Variants in PARD3B observed in about 807,000 individuals in gnomAD.
PARD3B encodes the protein partitioning defective 3 homolog B.
In PARD3B, 103 loss-of-function variants were observed where a neutral mutation model predicts 130.2. The ratio of observed to expected loss-of-function variants is 0.79; its 90% CI spans 0.67 to 0.93. PARD3B has a LOEUF of 0.93. Ranked by LOEUF, PARD3B falls within the 40% of genes least tolerant of loss-of-function variation. The pLI is 0.00. For missense variants in PARD3B, 1,609 were observed against 1,499.2 expected, an observed-to-expected ratio of 1.07 and a Z score of -1.21; for synonymous variants, 583 against 553.2, an observed-to-expected ratio of 1.05 and a Z score of -0.76.
intron 2 of PARD3B, among the ~76,000 whole-genome samples, chr2:204,705,152 T>A (rs2038078340): frequency 6.6e-6 from 1 of 152,210 alleles, no homozygotes; most frequent in Non-Finnish European, 1.5e-5. Flanking sequence ...TTATTTTCAG[T>A]GATGAGCATG....
chr2:205,540,393 A>T (rs980849870), intron 21 of PARD3B, among the ~76,000 whole-genome samples: 2 of 152,100 alleles, frequency 1.3e-5, no homozygotes, highest in African/African-American at 4.8e-5. Context: ...TTTCTTTTTT[A>T]AAAAATACTC....
chr2:205,257,965 T>C (rs987569511), intron 16 of PARD3B, among the ~76,000 whole-genome samples: 1 of 152,208 alleles, frequency 6.6e-6, no homozygotes, highest in Non-Finnish European at 1.5e-5. Flanking sequence ...TCATTTCTGG[T>C]TGAACACTGG....
At chr2:205,166,354 A>G (rs562163881) in intron 11 of PARD3B, among the ~76,000 whole-genome samples, 1 of 152,282 alleles carries the variant, frequency 6.6e-6, no homozygotes, top group African/African-American at 2.4e-5. Flanking sequence ...GACTTTGAAG[A>G]GGTGAGCAGG....
At chr2:205,260,302 A>G (rs1199577570) in intron 16 of PARD3B, among the ~76,000 whole-genome samples, 1 of 152,140 alleles carries the variant, frequency 6.6e-6, no homozygotes, top group Non-Finnish European at 1.5e-5. Flanking sequence ...GGAACTTTCC[A>G]CTTATAGCAT....
chr2:205,425,302 A>G (rs910383149), intron 19 of PARD3B, among the ~76,000 whole-genome samples: 2 of 152,188 alleles, frequency 1.3e-5, no homozygotes, highest in Non-Finnish European at 2.9e-5. Flanking sequence ...ACATTATGAG[A>G]ATAGAAATTA....
rs144618004 is a variant in PARD3B at position 205,132,616 on chromosome 2, C to T, written c.1434+6879C>T. 7.2e-5 allele frequency among the ~76,000 whole-genome samples: 11 copies of T among 152,236 alleles called. No individual in the cohort carries two copies. The East Asian group carries it at 9.7e-4, about 13-fold the overall frequency. On this transcript the variant is annotated intron_variant, in intron 10 of 22. Coordinates refer to ENST00000406610, the MANE Select transcript of PARD3B (RefSeq NM_001302769.2). ...CATATTAAGGGTTCACCTCAGCATG[C>T]GCCCGAATCACACAATATTATAATT...
At chr2:204,627,020 A>C (rs2034509873) in intron 1 of PARD3B, among the ~76,000 whole-genome samples, 1 of 152,130 alleles carries the variant, frequency 6.6e-6, no homozygotes, top group Non-Finnish European at 1.5e-5. Flanking sequence ...TGCTGTTCTC[A>C]TGATAGTGAG....
chr2:204,936,750 A>G (rs531714182), intron 2 of PARD3B, among the ~76,000 whole-genome samples: 15 of 152,300 alleles, frequency 9.8e-5, no homozygotes, highest in African/African-American at 3.4e-4. Context: ...AAATCTGTCT[A>G]ATGTTAACCA....
At position 204,867,356 on chromosome 2, in the gene PARD3B, A is replaced by C. The variant is rs535456543; in HGVS notation, c.223-97796A>C. The stretch of plus-strand genomic sequence containing the variant: ...CCTTCAATTCTCAAATTAGTGCTCA[A>C]GGTCTGCGTTGGTGGCTACATATAT... On this transcript the variant is annotated intron_variant, in intron 2 of 22. Coordinates refer to ENST00000406610, the MANE Select transcript of PARD3B (RefSeq NM_001302769.2). Among the ~76,000 whole-genome samples the C allele has an allele frequency of 3.9e-5, 6 of 152,276 alleles. No individual in the cohort carries two copies. The South Asian group carries it at 1.0e-3, about 26-fold the overall frequency.
At chr2:205,138,929 T>C (rs539882128) in intron 10 of PARD3B, among the ~76,000 whole-genome samples, 1 of 152,290 alleles carries the variant, frequency 6.6e-6, no homozygotes, top group Admixed American at 6.5e-5. Flanking sequence ...GAGCCCTTCC[T>C]CCAATCCTCT....
chr2:204,748,481 A>G (rs879675210), intron 2 of PARD3B, among the ~76,000 whole-genome samples: 1 of 152,152 alleles, frequency 6.6e-6, no homozygotes, highest in Non-Finnish European at 1.5e-5. Context: ...GTCTAGAGGG[A>G]TGAGAAACGA....
intron 18 of PARD3B, among the ~76,000 whole-genome samples, chr2:205,378,843 G>C (rs2045186804): frequency 6.6e-6 from 1 of 151,882 alleles, no homozygotes; most frequent in Non-Finnish European, 1.5e-5. Context: ...TGTTGGCCAG[G>C]ATGGTCTCAA....
chr2:205,535,651 A>C (rs2051817677), intron 21 of PARD3B, among the ~76,000 whole-genome samples: 1 of 152,236 alleles, frequency 6.6e-6, no homozygotes. Flanking sequence ...GTATTGGAAG[A>C]CATTATCCAG....
At chr2:205,140,852 T>C (rs1442544177) in intron 10 of PARD3B, among the ~76,000 whole-genome samples, 1 of 152,198 alleles carries the variant, frequency 6.6e-6, no homozygotes, top group Non-Finnish European at 1.5e-5. Flanking sequence ...TTCTACAATT[T>C]AGCAGAAAAA....
Position 204,780,309 on chromosome 2 carries a change from AT to A in PARD3B, c.222+94028del, listed in dbSNP as rs1290764278. 8.5e-5 allele frequency among the ~76,000 whole-genome samples: 13 copies of A among 152,288 alleles called. No homozygotes were observed. The East Asian group carries it at 2.5e-3, about 29-fold the overall frequency. Reference sequence around the variant, plus strand: ...AGTCATGACCCTTTCCTGGGTAACTATAGAAACCTTAACAGTACTAGTTATT... The same window carrying A: ...AGTCATGACCCTTTCCTGGGTAACTAAGAAACCTTAACAGTACTAGTTATT... On this transcript the variant is annotated intron_variant, in intron 2 of 22. Coordinates refer to ENST00000406610, the MANE Select transcript of PARD3B (RefSeq NM_001302769.2).
rs1202168488 is a variant in PARD3B, at chr2:205,618,063, C to T, written c.*2250C>T. 6.6e-6 allele frequency: 1 copy of T among 152,160 alleles called. No homozygotes were observed. Among genetic ancestry groups the T allele is most frequent in the Non-Finnish European group, 1.5e-5 (1 of 68,028 alleles). The allele number at this position is 152,160 out of a possible 1,614,324, so 9.4% of individuals were successfully genotyped here. A position where few individuals can be genotyped will look rare whatever the true frequency, so the allele number is the denominator to read the frequency against. ...GTTGCCACCAGAGTGTGCAATACCT[C>T]CTGCACACAGGCTCAGGGTAAACTG... On this transcript the variant is annotated 3_prime_UTR_variant, in exon 23 of 23. Transcript: ENST00000406610.
chr2:205,238,356 A>G (rs941302710), intron 15 of PARD3B, among the ~76,000 whole-genome samples: 5 of 152,130 alleles, frequency 3.3e-5, no homozygotes, highest in Admixed American at 2.0e-4. Context: ...CTGTCATTCC[A>G]TCTACTTGGG....
intron 1 of PARD3B, among the ~76,000 whole-genome samples, chr2:204,634,468 A>T (rs2034801146): frequency 6.6e-6 from 1 of 152,164 alleles, no homozygotes; most frequent in Non-Finnish European, 1.5e-5. Flanking sequence ...GTTTTCTTGA[A>T]TCAGGATTTA....
intron 1 of PARD3B, among the ~76,000 whole-genome samples, chr2:204,571,838 A>G (rs891484508): frequency 9.2e-5 from 14 of 152,222 alleles, no homozygotes; most frequent in Admixed American, 2.0e-4. Flanking sequence ...ATTAATAAAG[A>G]TGTAAGTCTA....
Sources: allele counts gnomAD v4.1 joint callset (sites outside exome capture counted in the v4.1 genomes callset), GRCh38; gene constraint gnomAD v4.1.1; transcripts MANE v1.5; gene names NCBI Gene and HGNC (gene_info 2026-07-23, HGNC 2026-07-21).